The following NRXN3 variants were observed in gnomAD, a reference collection of about 807,000 sequenced individuals.
NRXN3 encodes the protein neurexin 3.
In NRXN3, 32 loss-of-function variants were observed where a neutral mutation model predicts 137.6. The observed-to-expected ratio is 0.23, with a 90% confidence interval of 0.18 to 0.31. The LOEUF (loss-of-function observed/expected upper bound fraction) is 0.31, where lower values mean the gene tolerates loss of function less well. Among genes scored for constraint, NRXN3 ranks in the 10% least tolerant of loss-of-function variants. The pLI is 1.00. For missense variants in NRXN3, 1,574 were observed against 2,062.5 expected (o/e 0.76, Z 4.59); for synonymous variants, 798 against 784.5 (o/e 1.02, Z -0.29).
At chr14:78,811,280 C>G (rs983263580) in intron 10 of NRXN3, among the ~76,000 whole-genome samples, 2 of 152,138 alleles carry the variant, frequency 1.3e-5, no homozygotes, top group African/African-American at 4.8e-5. Context: ...AGACAGCTCT[C>G]TTCAAAGAGG....
Position 79,126,860 on chromosome 14 carries a change from T to C in NRXN3, c.3262+138719T>C, listed in dbSNP as rs1009628917. 3.3e-5 allele frequency among the ~76,000 whole-genome samples: 5 copies of C among 152,164 alleles called. No individual in the cohort carries two copies. The East Asian group carries it at 5.8e-4, about 18-fold the overall frequency. ...TGTTGTTTCCTGACTTTTTAATGAT[T>C]GCCATTGTAACTGGTGTGAGATGGT... On this transcript the variant is annotated intron_variant, in intron 15 of 20. Coordinates refer to ENST00000335750, the MANE Select transcript of NRXN3 (RefSeq NM_001330195.2).
At chr14:79,037,356 A>G (rs1349266107) in intron 15 of NRXN3, among the ~76,000 whole-genome samples, 2 of 152,074 alleles carry the variant, frequency 1.3e-5, no homozygotes, top group Non-Finnish European at 2.9e-5. Flanking sequence ...CCTGTAGCCC[A>G]TTTCCCCTGT....
chr14:78,647,116 AT>A (rs2152593155), intron 5 of NRXN3, among the ~76,000 whole-genome samples: 1 of 152,316 alleles, frequency 6.6e-6, no homozygotes, highest in East Asian at 1.9e-4. Context: ...AATGATTCCA[AT>A]TCTCCTGTGA....
chr14:78,420,580 G>T (rs965373978), intron 4 of NRXN3, among the ~76,000 whole-genome samples: 1 of 152,148 alleles, frequency 6.6e-6, no homozygotes, highest in Non-Finnish European at 1.5e-5. Context: ...CAGCTTCAGG[G>T]TGAGAATGGA....
At chr14:78,930,459 C>A (rs2099318436) in intron 10 of NRXN3, among the ~76,000 whole-genome samples, 2 of 152,080 alleles carry the variant, frequency 1.3e-5, no homozygotes, top group African/African-American at 4.8e-5. Context: ...TTGTTAAGTG[C>A]CTATTGTAAT....
intron 20 of NRXN3, among the ~76,000 whole-genome samples, chr14:79,806,224 A>ATTAAAAATTCTCTT (rs777989198): frequency 1.3e-5 from 2 of 152,184 alleles, no homozygotes; most frequent in South Asian, 2.1e-4. Flanking sequence ...AAGGAAAGCC[A>ATTAAAAATTCTCTT]TTAAAAATTC....
At chr14:79,253,795 T>C (rs372500011) in intron 15 of NRXN3, among the ~76,000 whole-genome samples, 3 of 152,164 alleles carry the variant, frequency 2.0e-5, no homozygotes, top group South Asian at 4.1e-4. Context: ...ACCCCCACAA[T>C]CTAATCACCT....
chr14:79,234,345 T>TTATATATATATATATAATA (rs1463036536), intron 15 of NRXN3, among the ~76,000 whole-genome samples: 25 of 106,310 alleles, frequency 2.4e-4, no homozygotes, highest in African/African-American at 8.7e-4. Flanking sequence ...TATATAATAT[T>TTATATATATATATATAATA]TATATATATA....
At chr14:78,171,900 T>C (rs890306785) in intron 1 of NRXN3, among the ~76,000 whole-genome samples, 1 of 152,188 alleles carries the variant, frequency 6.6e-6, no homozygotes, top group Non-Finnish European at 1.5e-5. Flanking sequence ...TTAATACTTT[T>C]TTTTTTAATG....
chr14:78,825,002 A>C (rs150590), intron 10 of NRXN3, among the ~76,000 whole-genome samples: 137,998 of 152,008 alleles, frequency 0.91, 63,462 homozygotes, highest in Non-Finnish European at 0.99. Flanking sequence ...TTTTCCCTAA[A>C]TAGTGGTTGT....
rs915917128 is a variant in NRXN3 at position 79,861,696 on chromosome 14, C to T, written c.4448C>T (p.Pro1483Leu). 9 of 1,614,130 alleles carry T rather than the reference C, an allele frequency of 5.6e-6. No individual in the cohort carries two copies. Among genetic ancestry groups the T allele is most frequent in the African/African-American group, 1.3e-5 (1 of 75,014 alleles). Residue 1483 changes from proline (P) to leucine (L), a missense_variant, in exon 21 of 21, where the codon CCG becomes CTG. Coordinates refer to ENST00000335750, the MANE Select transcript of NRXN3 (RefSeq NM_001330195.2). The surrounding 1 kb of genome is among the most constrained non-coding windows in gnomAD (Gnocchi z 5.4). ...ACGGAGCCGGGAATCAGACGGGTTC[C>T]GGGGGCCTCAGAGGTGATCCGGGAG... ...NPTEPGIRRV[P>L]GASEVIRESS...
intron 4 of NRXN3, among the ~76,000 whole-genome samples, chr14:78,402,586 A>G (rs147609197): frequency 2.9e-4 from 44 of 152,300 alleles, no homozygotes; most frequent in Admixed American, 1.2e-3. Context: ...TATTTCAAAT[A>G]TGAAGATGTA....
chr14:78,977,583 A>T (rs2099472318), intron 14 of NRXN3, among the ~76,000 whole-genome samples: 1 of 152,108 alleles, frequency 6.6e-6, no homozygotes. Context: ...TCCCATGAAA[A>T]TAGGGTGGGT....
chr14:78,422,185 C>T (rs1260426419), intron 4 of NRXN3, among the ~76,000 whole-genome samples: 1 of 152,204 alleles, frequency 6.6e-6, no homozygotes, highest in South Asian at 2.1e-4. Context: ...CACTTTTTCA[C>T]TCTTCAGGGC....
At chr14:79,617,092 C>G (rs1051494089) in intron 16 of NRXN3, among the ~76,000 whole-genome samples, 2 of 152,112 alleles carry the variant, frequency 1.3e-5, no homozygotes, top group South Asian at 2.1e-4. Flanking sequence ...TACTCACTCA[C>G]CAACCTGCTG....
At chr14:79,615,999 C>T (rs1367150283) in intron 16 of NRXN3, among the ~76,000 whole-genome samples, 1 of 151,988 alleles carries the variant, frequency 6.6e-6, no homozygotes, top group African/African-American at 2.4e-5. Flanking sequence ...GAATTCATAC[C>T]CAGCAGTATG....
chr14:79,848,294 G>A (rs750987495), intron 20 of NRXN3, among the ~76,000 whole-genome samples: 2 of 152,162 alleles, frequency 1.3e-5, no homozygotes, highest in African/African-American at 2.4e-5. Flanking sequence ...CCACTGTGTG[G>A]AATTTAGGAC....
At chr14:78,866,915 A>C (rs915143855) in intron 10 of NRXN3, among the ~76,000 whole-genome samples, 6 of 146,058 alleles carry the variant, frequency 4.1e-5, no homozygotes, top group East Asian at 4.1e-4. Flanking sequence ...CTCCTGCTTC[A>C]GCCTCCCAAG....
chr14:79,289,185 C>T (rs1239823891), intron 15 of NRXN3, among the ~76,000 whole-genome samples: 1 of 152,200 alleles, frequency 6.6e-6, no homozygotes, highest in Non-Finnish European at 1.5e-5. Context: ...TTTCTTTCCT[C>T]TACTTCTCAG....
Sources: gnomAD v4.1 joint callset for allele counts (sites outside exome capture counted in the v4.1 genomes callset) on GRCh38, gnomAD v4.1.1 for gene constraint, Gnocchi (gnomAD v3.1) non-coding constraint, MANE v1.5 for transcripts, NCBI Gene and HGNC (gene_info 2026-07-23, HGNC 2026-07-21) for gene names.